The following SSBP4 variants were observed in gnomAD, a reference collection of about 807,000 sequenced individuals.
The protein encoded by SSBP4 is single stranded DNA binding protein 4, also known as single-stranded DNA-binding protein 4.
Under a neutral mutation model 64.6 loss-of-function variants are expected in SSBP4, and 33 were observed. That is an observed-to-expected ratio of 0.51 (90% CI 0.39 to 0.68). The LOEUF is 0.68. SSBP4 is among the 30% of genes least tolerant of loss of function. The pLI is 0.00. For synonymous variants in SSBP4, 243 were observed against 224.0 expected (o/e 1.08, Z -0.76); for missense variants, 583 against 566.8 (o/e 1.03, Z -0.29).
chr19:18,414,142 G>A (rs144773452), upstream of SSBP4, among the ~76,000 whole-genome samples: 841 of 152,350 alleles, frequency 5.5e-3, 2 homozygotes, highest in Admixed American at 0.011. Flanking sequence ...TGCAGCCAGC[G>A]TGCACCCAGA....
intron 1 of SSBP4, chr19:18,425,837 G>T (rs907242871): frequency 1.3e-5 from 2 of 152,370 alleles, no homozygotes; most frequent in African/African-American, 4.8e-5. Context: ...CCTCCCTGAT[G>T]TCACCCCCCC....
chr19:18,424,204 C>G (rs995710165), intron 1 of SSBP4, among the ~76,000 whole-genome samples: 2 of 152,226 alleles, frequency 1.3e-5, no homozygotes, highest in East Asian at 1.9e-4. Flanking sequence ...TCAGTATGGA[C>G]AGAATAGCTG....
intron 17 of SSBP4, 47 bp from the exon 18 acceptor site, chr19:18,434,170 C>G: frequency 1.2e-6 from 2 of 1,608,616 alleles, no homozygotes; most frequent in Non-Finnish European, 1.7e-6. Flanking sequence ...CAGCCTCTTC[C>G]GGAGCTGAAC....
chr19:18,405,413 C>A, the SSBP4 span, among the ~76,000 whole-genome samples: 5 of 151,762 alleles, frequency 3.3e-5, no homozygotes, highest in Non-Finnish European at 7.4e-5. Flanking sequence ...GTAATCCCAG[C>A]ACTTTGGGAG....
the SSBP4 span, among the ~76,000 whole-genome samples, chr19:18,411,393 G>A: frequency 8.5e-5 from 13 of 152,280 alleles, no homozygotes; most frequent in African/African-American, 3.1e-4. Flanking sequence ...TACTCGGGAG[G>A]CTGAGGCAGG....
Position 18,434,368 on chromosome 19 carries a change from C to A in SSBP4, c.*122C>A. 6.8e-7 allele frequency: 1 copy of A among 1,478,820 alleles called. No homozygotes were observed. The highest frequency in any genetic ancestry group is 1.4e-5 in the African/African-American group (1 of 69,742). 91.6% of individuals were successfully genotyped at this position (1,478,820 alleles called of 1,614,324 possible). ...TCCTGGCCAATCAAGGCTTGCCCAGCTGGGAGGCCCCACACGAAAGACTCT... is the reference window on the plus strand; with the variant it reads ...TCCTGGCCAATCAAGGCTTGCCCAGATGGGAGGCCCCACACGAAAGACTCT... On this transcript the variant is annotated 3_prime_UTR_variant, in exon 18 of 18. Coordinates refer to ENST00000270061, the MANE Select transcript of SSBP4 (RefSeq NM_032627.5).
At position 18,430,882 on chromosome 19, in the gene SSBP4, C is replaced by T; in HGVS notation, c.321C>T (p.Ala107=). 1.2e-6 allele frequency: 2 copies of T among 1,613,366 alleles called. No individual in the cohort carries two copies. Among genetic ancestry groups the T allele is most frequent in the Non-Finnish European group, 1.7e-6 (2 of 1,179,902 alleles). ...CCAGCCCCGTTATGGGGAGTATGGCCCCAGGTGACACAATGGCCGCAGGCT... is the reference window on the plus strand; with the variant it reads ...CCAGCCCCGTTATGGGGAGTATGGCTCCAGGTGACACAATGGCCGCAGGCT... ...AAPSPVMGSM[A]PGDTMAAGSM... The change falls in exon 5 of 18, where the codon GCC becomes GCT. Residue 107 remains alanine (A), a synonymous_variant. Coordinates refer to ENST00000270061, the MANE Select transcript of SSBP4 (RefSeq NM_032627.5).
intron 4 of SSBP4, 143 bp downstream of exon 4, chr19:18,428,125 C>G (rs752196321): frequency 7.0e-5 from 66 of 938,282 alleles, no homozygotes; most frequent in Non-Finnish European, 7.0e-5. Context: ...GAGCTGCAGC[C>G]TCCACTCAGG....
Position 18,427,331 on chromosome 19 carries a change from G to T in SSBP4, c.60-20G>T. On this transcript the variant is annotated intron_variant, in intron 1 of 17. Coordinates refer to ENST00000270061, the MANE Select transcript of SSBP4 (RefSeq NM_032627.5). The surrounding 1 kb of genome is among the most constrained non-coding windows in gnomAD (Gnocchi z 4.4). ...TTGCCTTGGAGAGTCTGAGCTCCCTGGGCCGCCTCGCCCCCACAGGTTGGC... is the reference window on the plus strand; with the variant it reads ...TTGCCTTGGAGAGTCTGAGCTCCCTTGGCCGCCTCGCCCCCACAGGTTGGC... 6.2e-7 allele frequency: 1 copy of T among 1,607,406 alleles called. No homozygotes were observed.
At chr19:18,404,227 C>T in the SSBP4 span, among the ~76,000 whole-genome samples, 5 of 151,622 alleles carry the variant, frequency 3.3e-5, no homozygotes, top group Non-Finnish European at 7.4e-5. Context: ...CCTCAGAGAC[C>T]CTCAGAGACC....
chr19:18,418,068 C>T (rs1420092932), upstream of SSBP4, among the ~76,000 whole-genome samples: 2 of 152,198 alleles, frequency 1.3e-5, no homozygotes, highest in African/African-American at 4.8e-5. The surrounding 1 kb of genome is among the most constrained non-coding windows in gnomAD (Gnocchi z 6.7). Context: ...GCACATTCGG[C>T]ACACACTTGT....
In SSBP4 at chr19:18,426,396, A is replaced by G. The variant is rs2144728255; in HGVS notation, c.60-955A>G. On this transcript the variant is annotated intron_variant, in intron 1 of 17. Transcript: ENST00000270061. This position sits in a 1 kb window ranked among gnomAD's most constrained non-coding sequence, Gnocchi z 4.5. ...ATCTAAGAGTCCCCCAACCCCCAGCAGACTCTCGTGGTCCCTAGCTGGACA... is the reference window on the plus strand; with the variant it reads ...ATCTAAGAGTCCCCCAACCCCCAGCGGACTCTCGTGGTCCCTAGCTGGACA... Among the ~76,000 whole-genome samples the G allele has an allele frequency of 6.6e-6, 1 of 152,276 alleles. No individual in the cohort carries two copies. The highest frequency in any genetic ancestry group is 1.9e-4 in the East Asian group (1 of 5,176).
intron 15 of SSBP4, 150 bp from the exon 16 acceptor site, chr19:18,433,435 C>A: frequency 7.2e-7 from 1 of 1,396,456 alleles, no homozygotes; most frequent in Non-Finnish European, 9.8e-7. Context: ...CCCAACCCTC[C>A]ACCTGGCCTC....
upstream of SSBP4, chr19:18,419,068 C>A: frequency 1.0e-6 from 1 of 985,574 alleles, no homozygotes; most frequent in Non-Finnish European, 1.2e-6. Context: ...TACACTTTTG[C>A]TGTGTGGAGC....
At chr19:18,403,031 A>T in the SSBP4 span, among the ~76,000 whole-genome samples, 1 of 152,218 alleles carries the variant, frequency 6.6e-6, no homozygotes, top group African/African-American at 2.4e-5. Context: ...ATTCTGAGAT[A>T]GGAGAAAAAC....
chr19:18,424,890 G>A (rs1032982142), intron 1 of SSBP4, among the ~76,000 whole-genome samples: 2 of 151,910 alleles, frequency 1.3e-5, no homozygotes, highest in African/African-American at 4.8e-5. Context: ...GAAGGGGTGG[G>A]GGCTCAGGGT....
At chr19:18,403,445 G>A in the SSBP4 span, among the ~76,000 whole-genome samples, 4 of 152,284 alleles carry the variant, frequency 2.6e-5, no homozygotes, top group Admixed American at 6.5e-5. Context: ...CAGGTGTGGA[G>A]GGGCAGGCCA....
At chr19:18,411,520 G>A in the SSBP4 span, among the ~76,000 whole-genome samples, 3 of 151,882 alleles carry the variant, frequency 2.0e-5, no homozygotes, top group Admixed American at 1.3e-4. Flanking sequence ...TATCCAGGAA[G>A]ATCCAACAAG....
At chr19:18,415,907 CAAG>C (rs766593819), upstream of SSBP4, among the ~76,000 whole-genome samples, 8 of 152,152 alleles carry the variant, frequency 5.3e-5, no homozygotes, top group Non-Finnish European at 1.2e-4. Context: ...CTGTCCACCC[CAAG>C]AAGCAGAGAC....
Sources: allele counts gnomAD v4.1 joint callset (sites outside exome capture counted in the v4.1 genomes callset), GRCh38; gene constraint gnomAD v4.1.1; non-coding constraint Gnocchi (gnomAD v3.1); transcripts MANE v1.5; gene names NCBI Gene and HGNC (gene_info 2026-07-23, HGNC 2026-07-21).